Variants in ZYG11B observed in about 807,000 individuals in gnomAD.
ZYG11B encodes zyg-11 family member B, cell cycle regulator.
A neutral mutation model predicts 82.4 loss-of-function variants in ZYG11B; 36 were observed. The ratio of observed to expected loss-of-function variants is 0.44; its 90% CI spans 0.33 to 0.58. The LOEUF (loss-of-function observed/expected upper bound fraction) is 0.58, where lower values mean the gene tolerates loss of function less well. Among genes scored for constraint, ZYG11B ranks in the 20% least tolerant of loss-of-function variants. ZYG11B has a pLI of 0.02. For synonymous variants in ZYG11B, 303 were observed against 312.8 expected (o/e 0.97, Z 0.33); for missense variants, 552 against 895.6 (o/e 0.62, Z 4.90).
chr1:52,745,599 CTG>C (rs561054734), intron 1 of ZYG11B, among the ~76,000 whole-genome samples: 5 of 152,110 alleles, frequency 3.3e-5, no homozygotes, highest in Non-Finnish European at 7.4e-5. Context: ...GAGTCTCACT[CTG>C]TTGCCCAGGC....
intron 10 of ZYG11B, among the ~76,000 whole-genome samples, chr1:52,806,307 A>G (rs996363158): frequency 6.6e-6 from 1 of 152,180 alleles, no homozygotes; most frequent in Non-Finnish European, 1.5e-5. Flanking sequence ...TGATTAATTA[A>G]CACTAATTAA....
At chr1:52,789,295 C>G (rs2149950315) in intron 5 of ZYG11B, among the ~76,000 whole-genome samples, 1 of 152,146 alleles carries the variant, frequency 6.6e-6, no homozygotes, top group African/African-American at 2.4e-5. Flanking sequence ...TATATTAAGT[C>G]TTTTTAGATA....
intron 2 of ZYG11B, among the ~76,000 whole-genome samples, chr1:52,769,548 A>G (rs564171149): frequency 3.3e-5 from 5 of 152,246 alleles, no homozygotes; most frequent in African/African-American, 1.2e-4. Context: ...GCTAGTGACT[A>G]TGTATTGGGC....
At chr1:52,739,463 A>G (rs1644406169) in intron 1 of ZYG11B, among the ~76,000 whole-genome samples, 1 of 152,212 alleles carries the variant, frequency 6.6e-6, no homozygotes, top group Non-Finnish European at 1.5e-5. Flanking sequence ...ACATTCTATT[A>G]GCTGTAGTAC....
chr1:52,776,229 A>AAAAAAAAAATATATAT lies in ZYG11B; in HGVS notation c.952-3623_952-3622insAAAAAAAATATATATA. 3.4e-4 allele frequency among the ~76,000 whole-genome samples: 8 copies of AAAAAAAAAATATATAT among 23,538 alleles called. 1 individual carries two copies. Among genetic ancestry groups the AAAAAAAAAATATATAT allele is most frequent in the Admixed American group, 8.1e-4 (1 of 1,234 alleles). The allele number at this position is 23,538 out of a possible 152,430, so 15.4% of individuals were successfully genotyped here. On this transcript the variant is annotated intron_variant, in intron 3 of 13. Transcript: ENST00000294353. ...AGCAAAACTCTGTCTTAAAAAAAAA[A>AAAAAAAAAATATATAT]ATATATATATATATATGCAATAAAG...
intron 2 of ZYG11B, among the ~76,000 whole-genome samples, chr1:52,760,370 G>A (rs2149932138): frequency 1.3e-5 from 2 of 152,178 alleles, no homozygotes; most frequent in African/African-American, 4.8e-5. Context: ...GCTTGAACAC[G>A]GAGGTGGAGG....
At position 52,786,930 on chromosome 1, in the gene ZYG11B, AAAATACAAT is replaced by A. The variant is rs532086900; in HGVS notation, c.1269+1879_1269+1887del. The stretch of plus-strand genomic sequence containing the variant: ...ACATGGAGAAACCCTATCCCTACTA[AAAATACAAT>A]ATTAGCTGGGCGTGGTGGCGCATGC... On this transcript the variant is annotated intron_variant, in intron 5 of 13. Transcript: ENST00000294353. Among the ~76,000 whole-genome samples the A allele has an allele frequency of 7.7e-4, 118 of 152,266 alleles. 1 individual carries two copies. The South Asian group carries it at 0.011, about 15-fold the overall frequency.
intron 10 of ZYG11B, among the ~76,000 whole-genome samples, chr1:52,808,323 C>T (rs750238780): frequency 1.3e-5 from 2 of 151,990 alleles, no homozygotes; most frequent in Non-Finnish European, 2.9e-5. Context: ...GAGATCACGC[C>T]ATTGCACTCC....
chr1:52,814,054 C>A, intron 12 of ZYG11B, 142 bp downstream of exon 12: 1 of 811,574 alleles, frequency 1.2e-6, no homozygotes, highest in Non-Finnish European at 1.9e-6. Context: ...CAGAGTTTCA[C>A]TCCGTCGCCA....
chr1:52,752,437 G>T (rs567698213), intron 1 of ZYG11B, among the ~76,000 whole-genome samples: 1 of 152,236 alleles, frequency 6.6e-6, no homozygotes, highest in South Asian at 2.1e-4. Context: ...GGGTGATTTT[G>T]TGGATGCATT....
chr1:52,756,654 A>G (rs1370337339), intron 2 of ZYG11B, 31 bp downstream of exon 2: 1 of 1,585,932 alleles, frequency 6.3e-7, no homozygotes. Flanking sequence ...AACAAAAATT[A>G]TGTGCTGTTA....
chr1:52,805,422 G>T (rs1420987057), intron 10 of ZYG11B: 1 of 454,994 alleles, frequency 2.2e-6, no homozygotes, highest in Admixed American at 2.4e-5. Context: ...TAAATGTCCA[G>T]TAATAGAGGA....
chr1:52,768,428 T>G (rs755435971), intron 2 of ZYG11B, among the ~76,000 whole-genome samples: 2 of 152,158 alleles, frequency 1.3e-5, no homozygotes, highest in African/African-American at 2.4e-5. Flanking sequence ...CCCATTTGCA[T>G]GCTTATATCC....
Position 52,821,717 on chromosome 1 carries a change from G to T in ZYG11B, c.*88G>T. The T allele has an allele frequency of 7.7e-7, 1 of 1,291,542 alleles. No homozygotes were observed. Among genetic ancestry groups the T allele is most frequent in the Non-Finnish European group, 1.1e-6 (1 of 940,350 alleles). The allele number at this position is 1,291,542 out of a possible 1,614,324, so 80.0% of individuals were successfully genotyped here. A position where few individuals can be genotyped will look rare whatever the true frequency, so the allele number is the denominator to read the frequency against. On this transcript the variant is annotated 3_prime_UTR_variant, in exon 14 of 14. Transcript: ENST00000294353. ...ATCTTACCCTCCCTGATGTTTTGGG[G>T]GTTTCTATGACAAGAGTCATAAAAT...
At chr1:52,769,443 T>C (rs1328010081) in intron 2 of ZYG11B, among the ~76,000 whole-genome samples, 2 of 152,240 alleles carry the variant, frequency 1.3e-5, no homozygotes, top group Non-Finnish European at 2.9e-5. Context: ...ATTATTTTGT[T>C]GTATTAAGTC....
intron 1 of ZYG11B, among the ~76,000 whole-genome samples, chr1:52,745,725 AG>A (rs1644470596): frequency 6.6e-6 from 1 of 151,388 alleles, no homozygotes; most frequent in Non-Finnish European, 1.5e-5. Context: ...CACCATGCCC[AG>A]CTAATTTTTG....
At chr1:52,743,063 C>G (rs1162633473) in intron 1 of ZYG11B, among the ~76,000 whole-genome samples, 1 of 151,974 alleles carries the variant, frequency 6.6e-6, no homozygotes, top group African/African-American at 2.4e-5. Context: ...GTATACCCAA[C>G]AGCTCATTGT....
At chr1:52,769,465 G>A (rs892625494) in intron 2 of ZYG11B, among the ~76,000 whole-genome samples, 1 of 152,120 alleles carries the variant, frequency 6.6e-6, no homozygotes, top group African/African-American at 2.4e-5. Flanking sequence ...TCACAATCTG[G>A]TGTATATTTT....
chr1:52,766,836 G>A (rs1036567889), intron 2 of ZYG11B, among the ~76,000 whole-genome samples: 5 of 151,942 alleles, frequency 3.3e-5, no homozygotes, highest in Admixed American at 1.3e-4. Context: ...GTGAAACCCC[G>A]TCTCTACTAA....
Sources: allele counts gnomAD v4.1 joint callset (sites outside exome capture counted in the v4.1 genomes callset), GRCh38; gene constraint gnomAD v4.1.1; transcripts MANE v1.5; gene names NCBI Gene and HGNC (gene_info 2026-07-23, HGNC 2026-07-21).